Variants in TULP4 observed in about 807,000 individuals in gnomAD.
The protein encoded by TULP4 is tubby-related protein 4.
In TULP4, 16 loss-of-function variants were observed where a neutral mutation model predicts 129.0. That is an observed-to-expected ratio of 0.12 (90% CI 0.08 to 0.19). TULP4 has a LOEUF of 0.19. Ranked by LOEUF, TULP4 falls within the 10% of genes least tolerant of loss-of-function variation. TULP4 has a pLI of 1.00. For missense variants in TULP4, 1,842 were observed against 2,059.1 expected (o/e 0.89, Z 2.04); for synonymous variants, 998 against 854.0 (o/e 1.17, Z -2.94).
chr6:158,324,538 AC>A (rs981252365), intron 1 of TULP4, among the ~76,000 whole-genome samples: 6 of 152,214 alleles, frequency 3.9e-5, no homozygotes, highest in African/African-American at 1.4e-4. Flanking sequence ...CTTTGGCTCT[AC>A]AGTGGTGAAA....
intron 1 of TULP4, among the ~76,000 whole-genome samples, chr6:158,342,661 C>A (rs189393955): frequency 1.4e-4 from 21 of 152,248 alleles, no homozygotes; most frequent in African/African-American, 4.8e-4. Flanking sequence ...TTACTGACTT[C>A]TTGAAAGGGT....
chr6:158,292,057 C>G lies in TULP4; in HGVS notation n.116+9679C>G, dbSNP rs188935107. On this transcript the variant is annotated intron_variant and non_coding_transcript_variant, in intron 1 of 1. Transcript: ENST00000432358. ...ATTGTAAACAGATTTTTGGTTGAAC[C>G]TTATCTGGGGGAATCCTTATTTCCT... is the stretch of plus-strand genomic sequence containing the variant. Among the ~76,000 whole-genome samples the G allele has an allele frequency of 4.6e-5, 7 of 152,210 alleles. No homozygotes were observed. In the East Asian group the frequency reaches 1.3e-3, roughly 29 times the overall value.
chr6:158,236,608 C>CCTAAGA (rs77096250), intron 1 of TULP4, among the ~76,000 whole-genome samples: 49,524 of 151,288 alleles, frequency 0.33, 9,002 homozygotes, highest in Admixed American at 0.45. Flanking sequence ...CCTAAGGCCT[C>CCTAAGA]CATAATTTAA....
At chr6:158,291,383 G>T (rs906181136) in intron 1 of TULP4, among the ~76,000 whole-genome samples, 2 of 152,178 alleles carry the variant, frequency 1.3e-5, no homozygotes, top group African/African-American at 4.8e-5. Context: ...TTGGCAGCCA[G>T]TGCCGCTGTT....
intron 1 of TULP4, among the ~76,000 whole-genome samples, chr6:158,328,938 T>C (rs1051729995): frequency 1.3e-5 from 2 of 152,196 alleles, no homozygotes; most frequent in Non-Finnish European, 2.9e-5. Context: ...CGTATTTTAC[T>C]AGGAGGTTTT....
intron 1 of TULP4, among the ~76,000 whole-genome samples, chr6:158,294,372 A>T (rs1415900299): frequency 1.3e-5 from 2 of 152,006 alleles, no homozygotes; most frequent in Non-Finnish European, 1.5e-5. Context: ...CAAAAAAAAA[A>T]ATAAAAAAAA....
intron 1 of TULP4, among the ~76,000 whole-genome samples, chr6:158,327,147 C>T (rs1050473012): frequency 6.6e-6 from 1 of 152,172 alleles, no homozygotes; most frequent in Non-Finnish European, 1.5e-5. Context: ...TTACTATAGC[C>T]ATTTAGAAAA....
intron 11 of TULP4, among the ~76,000 whole-genome samples, chr6:158,495,136 G>T (rs545198033): frequency 6.6e-6 from 1 of 151,726 alleles, no homozygotes; most frequent in South Asian, 2.1e-4. Flanking sequence ...GCTCACTGCA[G>T]CCTTGACCTG....
chr6:158,385,391 G>C (rs1191144040), intron 1 of TULP4, among the ~76,000 whole-genome samples: 1 of 152,164 alleles, frequency 6.6e-6, no homozygotes, highest in Non-Finnish European at 1.5e-5. Context: ...AGTCCACAGA[G>C]AAGCATTTTG....
intron 1 of TULP4, among the ~76,000 whole-genome samples, chr6:158,408,692 C>A (rs528131352): frequency 6.6e-6 from 1 of 152,250 alleles, no homozygotes; most frequent in East Asian, 1.9e-4. Flanking sequence ...ACTCCAGAGC[C>A]CGCCTTCCTC....
chr6:158,400,880 GTACTGTATAATGTGAAAGAATGATA>G (rs1777827349), intron 1 of TULP4, among the ~76,000 whole-genome samples: 1 of 152,004 alleles, frequency 6.6e-6, no homozygotes, highest in Non-Finnish European at 1.5e-5. Flanking sequence ...ACAGTACAAT[GTACTGTATAATGTGAAAGAATGATA>G]TTTCAGTTCT....
intron 1 of TULP4, among the ~76,000 whole-genome samples, chr6:158,385,866 A>G (rs866781281): frequency 4.4e-5 from 1 of 22,616 alleles, no homozygotes. Flanking sequence ...TTTTTTTGAG[A>G]AAAAGTCTCA....
intron 2 of TULP4, among the ~76,000 whole-genome samples, chr6:158,428,712 G>C (rs982586216): frequency 6.6e-6 from 1 of 152,014 alleles, no homozygotes; most frequent in African/African-American, 2.4e-5. Context: ...TTTTGGTAAG[G>C]GACCAACAGA....
At chr6:158,478,337 C>T (rs1052134618) in intron 6 of TULP4, among the ~76,000 whole-genome samples, 4 of 152,280 alleles carry the variant, frequency 2.6e-5, no homozygotes, top group Admixed American at 2.0e-4. Context: ...GGGACAGCAG[C>T]GTATCTTTAA....
At chr6:158,394,922 C>T (rs1227377218) in intron 1 of TULP4, among the ~76,000 whole-genome samples, 5 of 149,838 alleles carry the variant, frequency 3.3e-5, no homozygotes, top group Admixed American at 2.7e-4. Flanking sequence ...TACTTGAAAT[C>T]ATGCAGTTGG....
rs78931164 is a variant in TULP4 at position 158,484,774 on chromosome 6, C to A, written c.1486+3485C>A. Among the ~76,000 whole-genome samples, 3 of 152,376 alleles carry A rather than the reference C, an allele frequency of 2.0e-5. No individual in the cohort carries two copies. The East Asian group carries it at 5.8e-4, about 29-fold the overall frequency. ...CACCCTAACCTTGAGACTGCTCAGC[C>A]TCCATAATCGAATGGACCAGTTATT... On this transcript the variant is annotated intron_variant, in intron 8 of 13. Coordinates refer to ENST00000367097, the MANE Select transcript of TULP4 (RefSeq NM_020245.5).
chr6:158,400,935 C>G (rs528149084), intron 1 of TULP4, among the ~76,000 whole-genome samples: 1 of 152,232 alleles, frequency 6.6e-6, no homozygotes, highest in South Asian at 2.1e-4. Flanking sequence ...ACCGTTGATA[C>G]AGGTGTTCTA....
chr6:158,238,380 G>A lies in TULP4; in HGVS notation n.68+6077G>A, dbSNP rs1051705226. On this transcript the variant is annotated intron_variant and non_coding_transcript_variant, in intron 1 of 1. Coordinates refer to the TULP4 transcript ENST00000620026. ...ATATTTTGAGGCATTGTTCGGCCTG[G>A]TTTGTGTACATAGCAAGTAATGCCT... The A allele has an allele frequency of 1.8e-5, 12 of 662,660 alleles. No individual in the cohort carries two copies. The African/African-American group carries it at 2.0e-4, about 11-fold the overall frequency. The allele number at this position is 662,660 out of a possible 1,614,324, so 41.0% of individuals were successfully genotyped here.
chr6:158,404,463 T>C (rs939455499), intron 1 of TULP4, among the ~76,000 whole-genome samples: 26 of 152,130 alleles, frequency 1.7e-4, no homozygotes, highest in African/African-American at 5.1e-4. Context: ...GATATGTACA[T>C]GTATAATTAA....
Sources: allele counts gnomAD v4.1 joint callset (sites outside exome capture counted in the v4.1 genomes callset), GRCh38; gene constraint gnomAD v4.1.1; transcripts MANE v1.5; gene names NCBI Gene and HGNC (gene_info 2026-07-23, HGNC 2026-07-21).